Variants in FAM227A observed in about 807,000 individuals in gnomAD.
FAM227A encodes protein FAM227A.
A neutral mutation model predicts 74.7 loss-of-function variants in FAM227A; 80 were observed. The ratio of observed to expected loss-of-function variants is 1.07; its 90% CI spans 0.89 to 1.29. The LOEUF (loss-of-function observed/expected upper bound fraction) is 1.29, where lower values mean the gene tolerates loss of function less well. Among genes scored for constraint, FAM227A ranks in the 50% most tolerant of loss-of-function variants. The probability of loss-of-function intolerance (pLI) is 0.00; values close to 1 mark genes in which losing one functional copy is unlikely to be tolerated. For missense variants in FAM227A, 654 were observed against 683.4 expected, an observed-to-expected ratio of 0.96 and a Z score of 0.48; for synonymous variants, 237 against 241.8, an observed-to-expected ratio of 0.98 and a Z score of 0.19.
At chr22:38,589,234 C>T (rs577749413) in intron 16 of FAM227A, among the ~76,000 whole-genome samples, 101 of 152,200 alleles carry the variant, frequency 6.6e-4, no homozygotes, top group Non-Finnish European at 9.7e-4. Flanking sequence ...GGCAACCGCA[C>T]GAAGCTAGGG....
Position 38,626,323 on chromosome 22 carries a change from C to T in FAM227A, c.727-20G>A. ...CAGCCTCTGCGGAGCAAGCCGAGCT[C>T]AGGCAACGTTCTCAACATTTCCACC... On this transcript the variant is annotated intron_variant, in intron 8 of 16. Transcript: ENST00000535113. The T allele has an allele frequency of 6.5e-7, 1 of 1,548,504 alleles. No homozygotes were observed. Among genetic ancestry groups the T allele is most frequent in the Non-Finnish European group, 8.7e-7 (1 of 1,145,766 alleles).
chr22:38,619,866 C>T (rs564499437), intron 11 of FAM227A, among the ~76,000 whole-genome samples: 3 of 151,984 alleles, frequency 2.0e-5, no homozygotes, highest in South Asian at 2.1e-4. Context: ...GGAGAAAGTA[C>T]GTATCAGGGA....
At chr22:38,590,587 C>T (rs542756529) in intron 16 of FAM227A, among the ~76,000 whole-genome samples, 48 of 152,306 alleles carry the variant, frequency 3.2e-4, no homozygotes, top group Admixed American at 2.6e-3. Context: ...GTTATTTAAG[C>T]TGCTACATTC....
chr22:38,641,972 T>TGC (rs1328123299), intron 3 of FAM227A, among the ~76,000 whole-genome samples: 69 of 143,474 alleles, frequency 4.8e-4, no homozygotes, highest in Middle Eastern at 3.6e-3. Flanking sequence ...TGTGTGTGTG[T>TGC]GTGCGCACGT....
intron 13 of FAM227A, among the ~76,000 whole-genome samples, chr22:38,602,392 CTAACAGCAA>C (rs1264842088): frequency 1.3e-5 from 2 of 152,156 alleles, no homozygotes; most frequent in African/African-American, 4.8e-5. Context: ...AACCACTATT[CTAACAGCAA>C]GATACCACTG....
rs1038159157 is a variant in FAM227A, at chr22:38,620,198, G to T, written c.1038+14C>A. 1.3e-6 allele frequency: 2 copies of T among 1,544,556 alleles called. No homozygotes were observed. The highest frequency in any genetic ancestry group is 8.8e-7 in the Non-Finnish European group (1 of 1,141,110). Reference sequence around the variant, plus strand: ...GGACTCCAAAGGGGTCCTGGTCCGTGCCTCCCCACTTACCTGAGGGTGGTA... The same window carrying T: ...GGACTCCAAAGGGGTCCTGGTCCGTTCCTCCCCACTTACCTGAGGGTGGTA... On this transcript the variant is annotated intron_variant, in intron 11 of 16. Transcript: ENST00000535113.
At chr22:38,626,087 AG>A in intron 9 of FAM227A, 92 bp downstream of exon 9, 1 of 1,266,250 alleles carries the variant, frequency 7.9e-7, no homozygotes, top group Non-Finnish European at 1.1e-6. Context: ...GCCTTCATGA[AG>A]GGGTGTCATA....
chr22:38,646,962 AGCATAGTGAAACCCC>A lies in FAM227A; in HGVS notation c.143-1332_143-1318del, dbSNP rs1376216126. ...TTAGGAGTTTGAGACCAGCCTGGCC[AGCATAGTGAAACCCC>A]GTCTCTACTAAAAATACAAAAAATT... is the stretch of plus-strand genomic sequence containing the variant. On this transcript the variant is annotated intron_variant, in intron 2 of 16. Transcript: ENST00000535113. Among the ~76,000 whole-genome samples, 29 of 151,432 alleles carry A rather than the reference AGCATAGTGAAACCCC, an allele frequency of 1.9e-4. 1 individual carries two copies. Among genetic ancestry groups the A allele is most frequent in the Admixed American group, 1.9e-3 (29 of 15,144 alleles).
chr22:38,599,642 G>A (rs1286911325), intron 14 of FAM227A, 122 bp downstream of exon 14: 7 of 860,048 alleles, frequency 8.1e-6, no homozygotes, highest in South Asian at 4.7e-5. Flanking sequence ...CACCTCTGGC[G>A]AGTACACATG....
At chr22:38,652,422 C>T (rs1332055722) in intron 1 of FAM227A, among the ~76,000 whole-genome samples, 2 of 148,778 alleles carry the variant, frequency 1.3e-5, no homozygotes, top group African/African-American at 2.5e-5. Context: ...CCCGTTTCTA[C>T]TAAAAAATAC....
intron 12 of FAM227A, among the ~76,000 whole-genome samples, chr22:38,606,817 T>C (rs185083153): frequency 2.4e-4 from 37 of 152,272 alleles, no homozygotes; most frequent in Non-Finnish European, 2.9e-4. Context: ...TTTCTTCTGG[T>C]GTCAGTAACC....
chr22:38,592,427 A>G (rs1214620417), intron 15 of FAM227A, among the ~76,000 whole-genome samples: 1 of 152,218 alleles, frequency 6.6e-6, no homozygotes, highest in Non-Finnish European at 1.5e-5. Flanking sequence ...TGGATATTCT[A>G]TATGAATTTA....
At chr22:38,598,091 C>T (rs2091089676) in intron 14 of FAM227A, among the ~76,000 whole-genome samples, 1 of 151,726 alleles carries the variant, frequency 6.6e-6, no homozygotes, top group Non-Finnish European at 1.5e-5. Context: ...GCCCTCCTTC[C>T]ACCCCTTCTT....
chr22:38,591,887 G>C (rs2090945451), intron 15 of FAM227A, among the ~76,000 whole-genome samples: 3 of 151,954 alleles, frequency 2.0e-5, no homozygotes, highest in African/African-American at 4.8e-5. Context: ...TTTATCTGTA[G>C]ACAAAACTTT....
Position 38,642,943 on chromosome 22 carries a change from CAAAAA to C in FAM227A, c.225+2615_225+2619del, listed in dbSNP as rs1309174565. On this transcript the variant is annotated intron_variant, in intron 3 of 16. Coordinates refer to ENST00000535113, the MANE Select transcript of FAM227A (RefSeq NM_001013647.2). ...AGAGTGAGACTCCGTCTCAAAAAAA[CAAAAA>C]CAAAAAAACAACCCAAAACAAAATA... 9.3e-5 allele frequency among the ~76,000 whole-genome samples: 14 copies of C among 151,108 alleles called. No homozygotes were observed. The East Asian group carries it at 2.8e-3, about 30-fold the overall frequency.
chr22:38,652,564 G>C (rs2092337680), intron 1 of FAM227A, among the ~76,000 whole-genome samples: 1 of 148,930 alleles, frequency 6.7e-6, no homozygotes, highest in Non-Finnish European at 1.5e-5. Flanking sequence ...CTCCAGCCTG[G>C]GCGACAGAGC....
intron 2 of FAM227A, among the ~76,000 whole-genome samples, chr22:38,647,989 G>T (rs1291897094): frequency 1.3e-5 from 2 of 152,214 alleles, no homozygotes; most frequent in Admixed American, 1.3e-4. Flanking sequence ...TGAGAGGCAA[G>T]GAAGGTGAGG....
At chr22:38,607,763 C>T (rs1296502018) in intron 11 of FAM227A, among the ~76,000 whole-genome samples, 1 of 152,196 alleles carries the variant, frequency 6.6e-6, no homozygotes, top group African/African-American at 2.4e-5. Context: ...GTCATCAAAC[C>T]TCTTTACCGC....
At chr22:38,638,178 G>T (rs1452928203) in intron 5 of FAM227A, among the ~76,000 whole-genome samples, 1 of 152,072 alleles carries the variant, frequency 6.6e-6, no homozygotes, top group Non-Finnish European at 1.5e-5. Flanking sequence ...AAGAAAAAAA[G>T]AAATAAAGAA....
Sources: gnomAD v4.1 joint callset for allele counts (sites outside exome capture counted in the v4.1 genomes callset) on GRCh38, gnomAD v4.1.1 for gene constraint, MANE v1.5 for transcripts, NCBI Gene and HGNC (gene_info 2026-07-23, HGNC 2026-07-21) for gene names.